NAV2: variants seen among roughly 807,000 people sequenced by gnomAD.
The protein encoded by NAV2 is helicase, APC down-regulated 1.
Under a neutral mutation model 223.2 loss-of-function variants are expected in NAV2, and 54 were observed. The ratio of observed to expected loss-of-function variants is 0.24; its 90% CI spans 0.19 to 0.30. The LOEUF (loss-of-function observed/expected upper bound fraction) is 0.30, where lower values mean the gene tolerates loss of function less well. NAV2 is among the 10% of genes least tolerant of loss of function. The probability of loss-of-function intolerance (pLI) is 1.00; values close to 1 mark genes in which losing one functional copy is unlikely to be tolerated. For missense variants in NAV2, 2,806 were observed against 3,147.5 expected (o/e 0.89, Z 2.60); for synonymous variants, 1,279 against 1,239.3 (o/e 1.03, Z -0.67).
At chr11:19,911,245 T>C (rs2043287974) in intron 6 of NAV2, among the ~76,000 whole-genome samples, 1 of 152,102 alleles carries the variant, frequency 6.6e-6, no homozygotes, top group African/African-American at 2.4e-5. Flanking sequence ...CTATAGGACA[T>C]TTATGTCTGG....
chr11:19,377,031 C>T (rs1021015479), intron 1 of NAV2, among the ~76,000 whole-genome samples: 2 of 152,142 alleles, frequency 1.3e-5, no homozygotes, highest in African/African-American at 4.8e-5. Flanking sequence ...GGTAAGGTGA[C>T]CCAGAGAAGG....
chr11:19,587,482 G>A (rs1224500225), intron 1 of NAV2, among the ~76,000 whole-genome samples: 1 of 152,180 alleles, frequency 6.6e-6, no homozygotes, highest in Non-Finnish European at 1.5e-5. Flanking sequence ...GCTAGGAACT[G>A]TAGACTGGAG....
intron 1 of NAV2, among the ~76,000 whole-genome samples, chr11:19,616,192 T>C (rs1401755575): frequency 6.6e-6 from 1 of 152,016 alleles, no homozygotes; most frequent in Non-Finnish European, 1.5e-5. Flanking sequence ...TACATGTCCT[T>C]CTTGGAGTCC....
In NAV2 at chr11:19,757,582, C is replaced by T. The variant is rs192587215; in HGVS notation, c.267+43620C>T. On this transcript the variant is annotated intron_variant, in intron 1 of 37. Transcript: ENST00000349880. ...AGTAGAGTGGGTAATTCCTCTTTAT[C>T]GTAAGATTCAGCAGCATGAACTAAG... 9.2e-5 allele frequency among the ~76,000 whole-genome samples: 14 copies of T among 152,230 alleles called. No homozygotes were observed. The South Asian group carries it at 2.1e-3, about 23-fold the overall frequency.
intron 36 of NAV2, among the ~76,000 whole-genome samples, chr11:20,113,763 C>T (rs560079543): frequency 2.6e-4 from 39 of 152,274 alleles, no homozygotes; most frequent in African/African-American, 8.9e-4. Context: ...AATCCCAGAC[C>T]TTTGGGAGAC....
At chr11:19,669,761 C>T (rs2048526233) in intron 1 of NAV2, among the ~76,000 whole-genome samples, 1 of 152,188 alleles carries the variant, frequency 6.6e-6, no homozygotes, top group South Asian at 2.1e-4. Flanking sequence ...TTAGTAAATT[C>T]CAAGTGCCTT....
At chr11:19,614,996 C>G (rs2046752633) in intron 1 of NAV2, among the ~76,000 whole-genome samples, 1 of 152,054 alleles carries the variant, frequency 6.6e-6, no homozygotes, top group African/African-American at 2.4e-5. Context: ...ACTTCATGCT[C>G]AAAATTATGC....
At chr11:19,840,798 T>C (rs570793196) in intron 2 of NAV2, among the ~76,000 whole-genome samples, 10 of 152,176 alleles carry the variant, frequency 6.6e-5, no homozygotes, top group African/African-American at 1.9e-4. Context: ...TCTTGATTCA[T>C]TGAGATATTC....
chr11:19,566,058 TTTTATTTTATTTTATTTTA>T (rs1462443794), intron 1 of NAV2, among the ~76,000 whole-genome samples: 1 of 150,756 alleles, frequency 6.6e-6, no homozygotes, highest in African/African-American at 2.4e-5. Flanking sequence ...TTTTATTTTA[TTTTATTTTATTTTATTTTA>T]TTTTTTTGTG....
chr11:20,002,798 C>T (rs2052681373), intron 11 of NAV2, among the ~76,000 whole-genome samples: 1 of 152,170 alleles, frequency 6.6e-6, no homozygotes, highest in African/African-American at 2.4e-5. Context: ...ACCCCAGCGC[C>T]CCTGGAACTG....
chr11:20,029,397 G>A (rs766931840), intron 11 of NAV2, among the ~76,000 whole-genome samples: 3 of 152,184 alleles, frequency 2.0e-5, no homozygotes, highest in Non-Finnish European at 2.9e-5. Flanking sequence ...TGGTGGGCCC[G>A]GGCTTTGGAA....
chr11:19,503,099 A>G (rs2043010592), intron 1 of NAV2: 1 of 151,960 alleles, frequency 6.6e-6, no homozygotes, highest in African/African-American at 2.4e-5. Context: ...GTCTTGATTA[A>G]ATTGATTAAA....
chr11:20,061,912 G>A (rs1321241070), intron 19 of NAV2, among the ~76,000 whole-genome samples: 4 of 152,118 alleles, frequency 2.6e-5, no homozygotes, highest in Non-Finnish European at 5.9e-5. Context: ...GAATACATTA[G>A]AAAAAAGAGT....
At chr11:19,569,163 A>C (rs1266784036) in intron 1 of NAV2, among the ~76,000 whole-genome samples, 1 of 152,232 alleles carries the variant, frequency 6.6e-6, no homozygotes, top group Non-Finnish European at 1.5e-5. Flanking sequence ...GTTTTAAATA[A>C]TAAAGAAATT....
chr11:20,113,309 T>C (rs569272774), intron 36 of NAV2, among the ~76,000 whole-genome samples: 1 of 152,118 alleles, frequency 6.6e-6, no homozygotes, highest in South Asian at 2.1e-4. Flanking sequence ...CTGGAAGATG[T>C]GGTGGTGTTA....
At chr11:20,052,873 A>C (rs1415659914) in intron 17 of NAV2, among the ~76,000 whole-genome samples, 1 of 152,022 alleles carries the variant, frequency 6.6e-6, no homozygotes, top group Non-Finnish European at 1.5e-5. Context: ...ATCAGTAGTC[A>C]CTCCATAATA....
chr11:19,486,264 T>A (rs1016493933), intron 1 of NAV2, among the ~76,000 whole-genome samples: 1 of 152,036 alleles, frequency 6.6e-6, no homozygotes, highest in Non-Finnish European at 1.5e-5. Flanking sequence ...CCATTTATAG[T>A]CTCTTCCTGG....
chr11:19,642,124 A>T (rs1401461624), intron 1 of NAV2, among the ~76,000 whole-genome samples: 1 of 152,054 alleles, frequency 6.6e-6, no homozygotes, highest in African/African-American at 2.4e-5. Context: ...TCTCTGGGGG[A>T]TCCCACTGGA....
At chr11:19,629,011 G>T (rs2047260776) in intron 1 of NAV2, among the ~76,000 whole-genome samples, 1 of 152,116 alleles carries the variant, frequency 6.6e-6, no homozygotes. Context: ...AATTCTCATT[G>T]ACACAAGGTT....
Sources: gnomAD v4.1 joint callset for allele counts (sites outside exome capture counted in the v4.1 genomes callset) on GRCh38, gnomAD v4.1.1 for gene constraint, MANE v1.5 for transcripts, NCBI Gene and HGNC (gene_info 2026-07-23, HGNC 2026-07-21) for gene names.